RCOR3: variants seen among roughly 807,000 people sequenced by gnomAD.
RCOR3 encodes the protein REST corepressor 3.
A neutral mutation model predicts 64.1 loss-of-function variants in RCOR3; 13 were observed. The observed-to-expected ratio is 0.20, with a 90% CI of 0.13 to 0.32. RCOR3 has a LOEUF of 0.32. RCOR3 is among the 10% of genes least tolerant of loss of function. RCOR3 has a pLI of 1.00. For missense variants in RCOR3, 489 were observed against 701.2 expected (o/e 0.70, Z 3.42); for synonymous variants, 215 against 239.0 (o/e 0.90, Z 0.93).
At chr1:211,265,626 G>A (rs921762219) in intron 2 of RCOR3, among the ~76,000 whole-genome samples, 2 of 152,186 alleles carry the variant, frequency 1.3e-5, no homozygotes, top group African/African-American at 2.4e-5. Flanking sequence ...GGCTGAGGCA[G>A]GAGAATTGCT....
At chr1:211,264,727 A>G (rs1406251609) in intron 2 of RCOR3, among the ~76,000 whole-genome samples, 1 of 152,198 alleles carries the variant, frequency 6.6e-6, no homozygotes, top group East Asian at 1.9e-4. Flanking sequence ...AGGAAATATG[A>G]GAAGAATTGA....
At chr1:211,306,833 T>C (rs892768740) in intron 10 of RCOR3, among the ~76,000 whole-genome samples, 1 of 152,198 alleles carries the variant, frequency 6.6e-6, no homozygotes, top group Non-Finnish European at 1.5e-5. Context: ...GTTTACACTT[T>C]TGTAATCAGT....
chr1:211,307,013 TTTTTATTATGACCAAA>T (rs1407036478), intron 10 of RCOR3, among the ~76,000 whole-genome samples: 1 of 152,198 alleles, frequency 6.6e-6, no homozygotes, highest in Non-Finnish European at 1.5e-5. Flanking sequence ...AGTATCTAAA[TTTTTATTATGACCAAA>T]TTTTATTATG....
At chr1:211,309,569 G>C (rs912575490) in intron 10 of RCOR3, among the ~76,000 whole-genome samples, 2 of 152,116 alleles carry the variant, frequency 1.3e-5, no homozygotes, top group Non-Finnish European at 2.9e-5. Context: ...CTTACTATTT[G>C]CCTGTTTATT....
chr1:211,296,253 G>A (rs1267094605), intron 9 of RCOR3, among the ~76,000 whole-genome samples: 1 of 152,126 alleles, frequency 6.6e-6, no homozygotes, highest in African/African-American at 2.4e-5. Flanking sequence ...CAAAAACAAG[G>A]TATAGATTGA....
At chr1:211,304,171 A>T in intron 10 of RCOR3, 31 bp downstream of exon 10, 1 of 1,491,132 alleles carries the variant, frequency 6.7e-7, no homozygotes, top group Non-Finnish European at 9.1e-7. Context: ...TATTGTTGTT[A>T]ATAATTATTT....
chr1:211,295,106 C>T (rs1699730927), intron 8 of RCOR3, among the ~76,000 whole-genome samples: 1 of 136,486 alleles, frequency 7.3e-6, no homozygotes, highest in South Asian at 2.3e-4. Flanking sequence ...AGGGTGGTCT[C>T]AGACTCCTGG....
intron 10 of RCOR3, among the ~76,000 whole-genome samples, chr1:211,310,472 T>A (rs1701362474): frequency 6.6e-6 from 1 of 152,210 alleles, no homozygotes; most frequent in Non-Finnish European, 1.5e-5. Flanking sequence ...CTGGCATACA[T>A]GAGTTAATTA....
chr1:211,292,346 A>G (rs1028927130), intron 8 of RCOR3, among the ~76,000 whole-genome samples: 4 of 152,264 alleles, frequency 2.6e-5, no homozygotes, highest in Non-Finnish European at 5.9e-5. Flanking sequence ...CCTAACTTCC[A>G]AACCACAGCA....
intron 9 of RCOR3, chr1:211,303,531 T>C (rs1421706949): frequency 6.6e-6 from 1 of 152,478 alleles, no homozygotes; most frequent in Non-Finnish European, 1.5e-5. Context: ...TATACACTAA[T>C]GAAGTCTGAT....
intron 8 of RCOR3, among the ~76,000 whole-genome samples, chr1:211,293,387 G>A (rs545060725): frequency 1.4e-3 from 215 of 152,132 alleles, no homozygotes; most frequent in Non-Finnish European, 2.7e-3. Context: ...AAAATTCCTC[G>A]GTCTGGCCCC....
chr1:211,267,502 G>A (rs950113457), intron 2 of RCOR3, among the ~76,000 whole-genome samples: 4 of 152,196 alleles, frequency 2.6e-5, no homozygotes, highest in Non-Finnish European at 4.4e-5. Flanking sequence ...CCTGCTCACC[G>A]ATATTGGAAG....
intron 10 of RCOR3, among the ~76,000 whole-genome samples, chr1:211,308,131 T>G (rs1323965439): frequency 6.6e-6 from 1 of 152,178 alleles, no homozygotes; most frequent in Non-Finnish European, 1.5e-5. Context: ...ATGCATATCT[T>G]TTCATCTGAA....
rs1041527550 is a variant in RCOR3, at chr1:211,315,132, A to G, written c.*1364A>G. 1 of 152,180 alleles carries G rather than the reference A, an allele frequency of 6.6e-6. No homozygotes were observed. Among genetic ancestry groups the G allele is most frequent in the Non-Finnish European group, 1.5e-5 (1 of 68,014 alleles). The allele number at this position is 152,180 out of a possible 1,614,324, so 9.4% of individuals were successfully genotyped here. On this transcript the variant is annotated 3_prime_UTR_variant, in exon 12 of 12. Coordinates refer to ENST00000419091, the MANE Select transcript of RCOR3 (RefSeq NM_001136223.3). ...TTTTGATACAGTGATTTCATATTGG[A>G]ATCATTATTTGTGCAAAGGGACAGA...
chr1:211,304,597 C>G (rs1271544462), intron 10 of RCOR3, among the ~76,000 whole-genome samples: 1 of 152,162 alleles, frequency 6.6e-6, no homozygotes, highest in Non-Finnish European at 1.5e-5. Flanking sequence ...TTCAGTGTTT[C>G]ATACTTCCCT....
intron 5 of RCOR3, among the ~76,000 whole-genome samples, chr1:211,277,122 A>C (rs1697110241): frequency 6.6e-6 from 1 of 151,428 alleles, no homozygotes; most frequent in Non-Finnish European, 1.5e-5. Context: ...AACAAAAAAA[A>C]TATTATTTCA....
rs112294865 is a variant in RCOR3 at position 211,282,959 on chromosome 1, CAT to C, written c.720+3646_720+3647del. Among the ~76,000 whole-genome samples the C allele has an allele frequency of 3.0e-3, 462 of 152,220 alleles. 3 individuals are homozygous for C. Among genetic ancestry groups the C allele is most frequent in the African/African-American group, 0.01 (432 of 41,532 alleles). On this transcript the variant is annotated intron_variant, in intron 7 of 11. Transcript: ENST00000419091. ...ATTTCATACTTTATTTAATTGGAAT[CAT>C]ATTGTATGTATTCTTCAGTACTTGC...
At chr1:211,263,939 T>A (rs950554031) in intron 2 of RCOR3, among the ~76,000 whole-genome samples, 2 of 151,518 alleles carry the variant, frequency 1.3e-5, no homozygotes, top group Non-Finnish European at 2.9e-5. Flanking sequence ...TGCCTCAGCC[T>A]CCCAAGTAGC....
chr1:211,310,490 A>C (rs1345788552), intron 10 of RCOR3, among the ~76,000 whole-genome samples: 1 of 152,234 alleles, frequency 6.6e-6, no homozygotes, highest in Non-Finnish European at 1.5e-5. Context: ...TTATAAGCAT[A>C]TTATAGTTAA....
Sources: gnomAD v4.1 joint callset for allele counts (sites outside exome capture counted in the v4.1 genomes callset) on GRCh38, gnomAD v4.1.1 for gene constraint, MANE v1.5 for transcripts, NCBI Gene and HGNC (gene_info 2026-07-23, HGNC 2026-07-21) for gene names.